PRKAG2: variants seen among roughly 807,000 people sequenced by gnomAD.
PRKAG2 encodes the protein protein kinase AMP-activated non-catalytic subunit gamma 2, also known as 5'-AMP-activated protein kinase subunit gamma-2.
Under a neutral mutation model 69.6 loss-of-function variants are expected in PRKAG2, and 26 were observed. The observed-to-expected ratio is 0.37, with a 90% confidence interval of 0.27 to 0.52. PRKAG2 has a LOEUF of 0.52. Among genes scored for constraint, PRKAG2 ranks in the 20% least tolerant of loss-of-function variants. The pLI, the probability that PRKAG2 is intolerant of heterozygous loss-of-function variation, is 0.90. For synonymous variants in PRKAG2, 293 were observed against 285.0 expected, an observed-to-expected ratio of 1.03 and a Z score of -0.28; for missense variants, 557 against 740.0, an observed-to-expected ratio of 0.75 and a Z score of 2.87.
At chr7:151,875,823 G>C (rs2080383822) in intron 1 of PRKAG2, among the ~76,000 whole-genome samples, 1 of 152,126 alleles carries the variant, frequency 6.6e-6, no homozygotes, top group Non-Finnish European at 1.5e-5. Flanking sequence ...TGTCCTCCCG[G>C]GCGGCTGGCG....
chr7:151,662,839 C>T (rs1830520097), intron 4 of PRKAG2, among the ~76,000 whole-genome samples: 2 of 152,162 alleles, frequency 1.3e-5, no homozygotes, highest in Non-Finnish European at 2.9e-5. Flanking sequence ...TTTGAGGCTG[C>T]AGTGAGCTAT....
At chr7:151,651,530 C>T (rs1028446744) in intron 4 of PRKAG2, among the ~76,000 whole-genome samples, 13 of 151,992 alleles carry the variant, frequency 8.6e-5, no homozygotes, top group Admixed American at 7.2e-4. Context: ...TCTCTTGAAC[C>T]CGGGAGGTGG....
chr7:151,567,193 A>C lies in PRKAG2; in HGVS notation c.1234-1308T>G, dbSNP rs1806455970. Among the ~76,000 whole-genome samples the C allele has an allele frequency of 6.6e-6, 1 of 152,146 alleles. No homozygotes were observed. Among genetic ancestry groups the C allele is most frequent in the Admixed American group, 6.5e-5 (1 of 15,268 alleles). On this transcript the variant is annotated intron_variant, in intron 11 of 15. Transcript: ENST00000287878. This position sits in a 1 kb window ranked among gnomAD's most constrained non-coding sequence, Gnocchi z 4.2. The stretch of plus-strand genomic sequence containing the variant: ...CCCAGCCAGGTGTCCTGTGTATGCA[A>C]GGTATGCAAACGCCTCCCTCCCAAG...
chr7:151,811,083 C>G (rs550706557), intron 1 of PRKAG2, among the ~76,000 whole-genome samples: 6 of 152,222 alleles, frequency 3.9e-5, no homozygotes, highest in African/African-American at 1.4e-4. Flanking sequence ...ACGACAGGGA[C>G]CCTGCAGAAC....
chr7:151,567,946 T>C lies in PRKAG2; in HGVS notation c.1233+770A>G, dbSNP rs993820681. ...AAGCTAATTTGAAGTACATTTTTAA[T>C]ATCTGTTACAGTCTTGGAAAAACAA... On this transcript the variant is annotated intron_variant, in intron 11 of 15. Coordinates refer to ENST00000287878, the MANE Select transcript of PRKAG2 (RefSeq NM_016203.4). This position sits in a 1 kb window ranked among gnomAD's most constrained non-coding sequence, Gnocchi z 4.2. Among the ~76,000 whole-genome samples the C allele has an allele frequency of 1.3e-5, 2 of 152,364 alleles. No homozygotes were observed. Among genetic ancestry groups the C allele is most frequent in the Admixed American group, 1.3e-4 (2 of 15,308 alleles).
At chr7:151,584,770 G>T (rs937531868) in intron 6 of PRKAG2, among the ~76,000 whole-genome samples, 1 of 152,198 alleles carries the variant, frequency 6.6e-6, no homozygotes, top group African/African-American at 2.4e-5. Flanking sequence ...GGTGGTGCAC[G>T]CCTGTAGTCT....
chr7:151,789,904 C>T (rs373989476), intron 1 of PRKAG2, among the ~76,000 whole-genome samples: 25 of 152,166 alleles, frequency 1.6e-4, no homozygotes, highest in Non-Finnish European at 3.2e-4. Context: ...AACTGACCTC[C>T]GCAGCCTTAT....
At chr7:151,865,255 G>A (rs953755904) in intron 1 of PRKAG2, among the ~76,000 whole-genome samples, 10 of 152,226 alleles carry the variant, frequency 6.6e-5, no homozygotes, top group African/African-American at 1.4e-4. Context: ...AGTTGTCCCC[G>A]CGGCTCGGCT....
intron 3 of PRKAG2, among the ~76,000 whole-genome samples, chr7:151,778,980 A>C (rs538270666): frequency 4.0e-5 from 6 of 151,798 alleles, no homozygotes; most frequent in Admixed American, 2.6e-4. Context: ...ACACACACAC[A>C]CCCATATATG....
chr7:151,859,189 C>T (rs1469109931), intron 1 of PRKAG2, among the ~76,000 whole-genome samples: 2 of 152,252 alleles, frequency 1.3e-5, no homozygotes, highest in Non-Finnish European at 2.9e-5. Flanking sequence ...TCCTGTGATG[C>T]CCAGGGAATG....
At chr7:151,675,195 A>G in intron 4 of PRKAG2, 1 of 552,574 alleles carries the variant, frequency 1.8e-6, no homozygotes, top group Non-Finnish European at 3.4e-6. Flanking sequence ...TGCTGGGACT[A>G]CAGGTGTGAG....
chr7:151,844,346 C>T (rs941602697), intron 1 of PRKAG2, among the ~76,000 whole-genome samples: 3 of 152,114 alleles, frequency 2.0e-5, no homozygotes, highest in Non-Finnish European at 4.4e-5. Flanking sequence ...TCTACCACTC[C>T]GCGAAGTCGT....
chr7:151,560,259 T>C, intron 15 of PRKAG2: 5 of 1,350,480 alleles, frequency 3.7e-6, no homozygotes, highest in Non-Finnish European at 3.9e-6. Context: ...ATGATGAACA[T>C]GGCAATGGCT....
chr7:151,836,089 G>T lies in PRKAG2; in HGVS notation c.114+40418C>A, dbSNP rs368944083. Among the ~76,000 whole-genome samples, 5 of 152,222 alleles carry T rather than the reference G, an allele frequency of 3.3e-5. No homozygotes were observed. The highest frequency in any genetic ancestry group is 1.2e-4 in the African/African-American group (5 of 41,470). On this transcript the variant is annotated intron_variant, in intron 1 of 15. Transcript: ENST00000287878. The surrounding 1 kb of genome is among the most constrained non-coding windows in gnomAD (Gnocchi z 4.1). ...CGACATTTTTTGGTTTTAAACCAGT[G>T]AGATGTGATTACAATGAATATTCAT...
chr7:151,610,552 C>A (rs1369384745), intron 5 of PRKAG2, among the ~76,000 whole-genome samples: 1 of 151,416 alleles, frequency 6.6e-6, no homozygotes, highest in Non-Finnish European at 1.5e-5. Flanking sequence ...TGGTGCGCAC[C>A]TGTAGTCTCA....
intron 1 of PRKAG2, among the ~76,000 whole-genome samples, chr7:151,847,847 G>A (rs904524878): frequency 8.5e-5 from 13 of 152,248 alleles, no homozygotes; most frequent in Non-Finnish European, 1.8e-4. Flanking sequence ...GGCAGGTGAA[G>A]CTGGCAGCTC....
chr7:151,785,492 A>T (rs887028913), intron 2 of PRKAG2, among the ~76,000 whole-genome samples: 1 of 152,138 alleles, frequency 6.6e-6, no homozygotes, highest in African/African-American at 2.4e-5. Flanking sequence ...CAGGGTGGGG[A>T]GGGCACTGGC....
At chr7:151,810,858 C>A (rs937046005) in intron 1 of PRKAG2, 1 of 153,748 alleles carries the variant, frequency 6.5e-6, no homozygotes, top group African/African-American at 2.4e-5. Flanking sequence ...TCCCTACCTC[C>A]CCTGGGTCAG....
intron 1 of PRKAG2, among the ~76,000 whole-genome samples, chr7:151,792,968 C>T (rs933639309): frequency 6.6e-6 from 1 of 152,214 alleles, no homozygotes; most frequent in African/African-American, 2.4e-5. Flanking sequence ...AGCCCCAGCT[C>T]TGTGATCTGC....
Sources: allele counts gnomAD v4.1 joint callset (sites outside exome capture counted in the v4.1 genomes callset), GRCh38; gene constraint gnomAD v4.1.1; non-coding constraint Gnocchi (gnomAD v3.1); transcripts MANE v1.5; gene names NCBI Gene and HGNC (gene_info 2026-07-23, HGNC 2026-07-21).